The following OPCML variants were observed in gnomAD, a reference collection of about 807,000 sequenced individuals.
OPCML encodes the protein opioid-binding protein/cell adhesion molecule.
OPCML carries 13 observed loss-of-function variants against 37.8 expected under a neutral mutation model. The ratio of observed to expected loss-of-function variants is 0.34; its 90% CI spans 0.22 to 0.55. The LOEUF (loss-of-function observed/expected upper bound fraction) is 0.55, where lower values mean the gene tolerates loss of function less well. Ranked by LOEUF, OPCML falls within the 20% of genes least tolerant of loss-of-function variation. The pLI is 0.91. For synonymous variants in OPCML, 176 were observed against 168.8 expected, an observed-to-expected ratio of 1.04 and a Z score of -0.33; for missense variants, 341 against 435.6, an observed-to-expected ratio of 0.78 and a Z score of 1.93.
At chr11:133,198,838 A>T (rs1251101334) in intron 1 of OPCML, among the ~76,000 whole-genome samples, 1 of 152,202 alleles carries the variant, frequency 6.6e-6, no homozygotes, top group Non-Finnish European at 1.5e-5. Context: ...GAAGATGTGT[A>T]TTCTGGATTG....
intron 3 of OPCML, among the ~76,000 whole-genome samples, chr11:132,631,534 A>G (rs1320451581): frequency 6.6e-6 from 1 of 150,888 alleles, no homozygotes; most frequent in Non-Finnish European, 1.5e-5. Context: ...ATCTCGGCTC[A>G]CTGCAAGCTC....
intron 1 of OPCML, among the ~76,000 whole-genome samples, chr11:133,034,341 GAC>G (rs1195147865): frequency 2.0e-5 from 3 of 151,318 alleles, no homozygotes; most frequent in Non-Finnish European, 4.4e-5. Flanking sequence ...GTGTGTGTGT[GAC>G]AGACAGAGGG....
intron 1 of OPCML, among the ~76,000 whole-genome samples, chr11:133,053,775 C>T (rs1244565281): frequency 6.6e-6 from 1 of 152,156 alleles, no homozygotes; most frequent in African/African-American, 2.4e-5. Context: ...TCACTGAGTT[C>T]GTGCCCAGGA....
At chr11:132,602,732 C>T (rs370247434) in intron 3 of OPCML, among the ~76,000 whole-genome samples, 104 of 152,332 alleles carry the variant, frequency 6.8e-4, no homozygotes, top group African/African-American at 2.1e-3. Flanking sequence ...GGATGATTTG[C>T]GCCACCTAAA....
intron 4 of OPCML, among the ~76,000 whole-genome samples, chr11:132,467,940 T>A (rs2096124738): frequency 6.6e-6 from 1 of 152,180 alleles, no homozygotes; most frequent in East Asian, 1.9e-4. Flanking sequence ...AACAGCAAGG[T>A]TGAATAGATG....
At chr11:132,592,264 G>A (rs1161825774) in intron 3 of OPCML, among the ~76,000 whole-genome samples, 3 of 152,196 alleles carry the variant, frequency 2.0e-5, no homozygotes, top group African/African-American at 7.2e-5. Flanking sequence ...GCCTGTGCAC[G>A]TGGAGGCATT....
chr11:132,985,360 T>C (rs1332715753), intron 1 of OPCML, among the ~76,000 whole-genome samples: 1 of 152,172 alleles, frequency 6.6e-6, no homozygotes, highest in East Asian at 1.9e-4. Flanking sequence ...GTTCCTTGCA[T>C]TTGTGGGACC....
intron 2 of OPCML, among the ~76,000 whole-genome samples, chr11:132,801,277 T>C (rs1392354147): frequency 6.6e-6 from 1 of 152,238 alleles, no homozygotes; most frequent in Admixed American, 6.5e-5. Flanking sequence ...GAGTCTTCTC[T>C]TTCCCAGTCT....
chr11:133,080,474 GTTTTTT>G (rs34982227), intron 1 of OPCML, among the ~76,000 whole-genome samples: 1 of 129,296 alleles, frequency 7.7e-6, no homozygotes, highest in African/African-American at 2.9e-5. Context: ...GTAATCAAAT[GTTTTTT>G]TTTTTTTTTT....
intron 1 of OPCML, among the ~76,000 whole-genome samples, chr11:133,373,633 A>T (rs1013661197): frequency 2.3e-4 from 34 of 148,664 alleles, no homozygotes; most frequent in African/African-American, 8.3e-4. Flanking sequence ...TCAGAAACAT[A>T]AAAAAAAAGA....
intron 2 of OPCML, among the ~76,000 whole-genome samples, chr11:132,934,164 T>G (rs1467491585): frequency 6.6e-6 from 1 of 152,016 alleles, no homozygotes; most frequent in East Asian, 1.9e-4. Context: ...ATCCTTTGGG[T>G]AAATAGGCAG....
At position 133,120,492 on chromosome 11, in the gene OPCML, T is replaced by C. The variant is rs1481258287; in HGVS notation, c.62-177482A>G. Among the ~76,000 whole-genome samples, 4 of 152,156 alleles carry C rather than the reference T, an allele frequency of 2.6e-5. No individual in the cohort carries two copies. The East Asian group carries it at 7.7e-4, about 29-fold the overall frequency. On this transcript the variant is annotated intron_variant, in intron 1 of 7. Transcript: ENST00000524381. ...CACAGCTTCAAGCATTTTTTATGAA[T>C]CAACTGATAGGATTCTCTCAACCAC...
intron 1 of OPCML, among the ~76,000 whole-genome samples, chr11:133,050,291 A>T (rs1246143171): frequency 6.6e-6 from 1 of 152,130 alleles, no homozygotes; most frequent in East Asian, 1.9e-4. Context: ...CAGTAACTTT[A>T]TTCATATACA....
intron 2 of OPCML, among the ~76,000 whole-genome samples, chr11:132,845,843 G>C (rs889199713): frequency 6.6e-6 from 1 of 151,986 alleles, no homozygotes; most frequent in Non-Finnish European, 1.5e-5. Context: ...AATGATTTGA[G>C]GTTTATTTGC....
intron 2 of OPCML, among the ~76,000 whole-genome samples, chr11:132,676,790 A>G (rs1048259031): frequency 2.5e-5 from 3 of 119,068 alleles, no homozygotes; most frequent in African/African-American, 1.3e-4. Flanking sequence ...AACAAACAAG[A>G]AAAAAAAAAA....
At chr11:132,506,811 G>T (rs2096257882) in intron 4 of OPCML, among the ~76,000 whole-genome samples, 1 of 151,496 alleles carries the variant, frequency 6.6e-6, no homozygotes, top group Admixed American at 6.6e-5. Context: ...AAACATGAAA[G>T]CTACTAGACA....
intron 1 of OPCML, among the ~76,000 whole-genome samples, chr11:133,028,914 A>G (rs12274804): frequency 2.0e-4 from 30 of 151,388 alleles, no homozygotes; most frequent in Admixed American, 3.3e-4. Context: ...AAAAAGAACT[A>G]TCAACAGTAA....
Position 133,032,505 on chromosome 11 carries a change from G to A in OPCML, c.62-89495C>T, listed in dbSNP as rs572345849. Among the ~76,000 whole-genome samples, 23 of 152,136 alleles carry A rather than the reference G, an allele frequency of 1.5e-4. 1 individual carries two copies. Among genetic ancestry groups the A allele is most frequent in the Admixed American group, 9.8e-4 (15 of 15,262 alleles). ...TATTGGTTTTGGTTGTAAAAGTTTG[G>A]GAACATCATTTGGACATTGATGCCT... On this transcript the variant is annotated intron_variant, in intron 1 of 7. Coordinates refer to ENST00000524381, the MANE Select transcript of OPCML (RefSeq NM_001012393.5).
At chr11:132,696,745 C>A (rs866401131) in intron 2 of OPCML, among the ~76,000 whole-genome samples, 1 of 152,108 alleles carries the variant, frequency 6.6e-6, no homozygotes, top group Non-Finnish European at 1.5e-5. Flanking sequence ...GAGACACACA[C>A]ACACACAGAC....
Sources: allele counts gnomAD v4.1 joint callset (sites outside exome capture counted in the v4.1 genomes callset), GRCh38; gene constraint gnomAD v4.1.1; transcripts MANE v1.5; gene names NCBI Gene and HGNC (gene_info 2026-07-23, HGNC 2026-07-21).